Variants in ZNF729 observed in about 807,000 individuals in gnomAD.
ZNF729 encodes the protein zinc finger protein 729.
ZNF729 carries 15 observed loss-of-function variants against 12.2 expected under a neutral mutation model. The ratio of observed to expected loss-of-function variants is 1.23; its 90% CI spans 0.82 to 1.89. ZNF729 has a LOEUF of 1.89. Ranked by LOEUF, ZNF729 falls within the 40% of genes most tolerant of loss-of-function variation. ZNF729 has a pLI of 0.00. For synonymous variants in ZNF729, 492 were observed against 476.3 expected (o/e 1.03, Z -0.43); for missense variants, 1,540 against 1,456.7 (o/e 1.06, Z -0.93).
rs116318322 is a variant in ZNF729, at chr19:22,316,855, C to T, written c.3438C>T (p.Ile1146=). 1 of 1,612,882 alleles carries T rather than the reference C, an allele frequency of 6.2e-7. No homozygotes were observed. The highest frequency in any genetic ancestry group is 8.5e-7 in the Non-Finnish European group (1 of 1,179,904). The part of the protein sequence containing the change: ...ECGKAFSQSS[I]LTKHKIIHSV... ...GCAAAGCCTTTAGTCAGTCCTCAAT[C>T]CTTACTAAACATAAGATAATTCATT... The change falls in exon 4 of 4, where the codon ATC becomes ATT. Residue 1146 remains isoleucine, a synonymous_variant. Coordinates refer to ENST00000601693, the MANE Select transcript of ZNF729 (RefSeq NM_001242680.2).
chr19:22,298,020 A>C (rs536203988), intron 1 of ZNF729, among the ~76,000 whole-genome samples: 1 of 150,508 alleles, frequency 6.6e-6, no homozygotes. Context: ...AAAAAAAAAA[A>C]AAAAAAACAC....
intron 2 of ZNF729, 31 bp from the exon 3 acceptor site, chr19:22,304,657 A>C (rs1295888677): frequency 6.4e-7 from 1 of 1,565,492 alleles, no homozygotes; most frequent in East Asian, 2.4e-5. Flanking sequence ...AATATGACCA[A>C]TATTTATGTT....
chr19:22,312,532 T>C (rs1455766841), intron 3 of ZNF729, among the ~76,000 whole-genome samples: 1 of 151,938 alleles, frequency 6.6e-6, no homozygotes, highest in African/African-American at 2.4e-5. Flanking sequence ...TTGCTACATC[T>C]ATTTTTTGTG....
chr19:22,306,854 A>G (rs1203838351), intron 3 of ZNF729, among the ~76,000 whole-genome samples: 1 of 151,602 alleles, frequency 6.6e-6, no homozygotes, highest in African/African-American at 2.4e-5. Flanking sequence ...GAAATTTTAT[A>G]TATGTCTGTA....
intron 1 of ZNF729, among the ~76,000 whole-genome samples, chr19:22,301,102 A>G (rs1255130272): frequency 6.6e-6 from 1 of 152,196 alleles, no homozygotes; most frequent in Non-Finnish European, 1.5e-5. Flanking sequence ...CTATATATTA[A>G]TAATGCACAC....
At position 22,315,210 on chromosome 19, in the gene ZNF729, A is replaced by C; in HGVS notation, c.1793A>C (p.Lys598Thr). The part of the protein sequence containing the change: ...RKHKVIHTRE[K>T]LYKCEECGKA... ...CATAAGGTAATTCATACTAGGGAGA[A>C]ATTGTACAAATGTGAAGAATGTGGC... The change falls in exon 4 of 4, where the codon AAA becomes ACA. Residue 598 changes from lysine to threonine, a missense_variant. Lys to Thr is a moderately conservative substitution (Grantham distance 78, BLOSUM62 -1). Coordinates refer to ENST00000601693, the MANE Select transcript of ZNF729 (RefSeq NM_001242680.2). The C allele has an allele frequency of 6.2e-7, 1 of 1,612,090 alleles. No homozygotes were observed. The highest frequency in any genetic ancestry group is 8.5e-7 in the Non-Finnish European group (1 of 1,179,360).
intron 3 of ZNF729, among the ~76,000 whole-genome samples, chr19:22,308,228 A>G (rs1420327264): frequency 6.6e-6 from 1 of 152,118 alleles, no homozygotes; most frequent in Non-Finnish European, 1.5e-5. Flanking sequence ...GTGTTCCATC[A>G]TATATATAAT....
At chr19:22,289,819 G>C (rs59621371) in intron 1 of ZNF729, among the ~76,000 whole-genome samples, 3,804 of 152,178 alleles carry the variant, frequency 0.025, 153 homozygotes, top group African/African-American at 0.087. Context: ...ATTGCTGTCT[G>C]AGTTTCATGC....
intron 1 of ZNF729, among the ~76,000 whole-genome samples, chr19:22,288,020 A>G (rs112976811): frequency 0.025 from 3,787 of 151,632 alleles, 153 homozygotes; most frequent in African/African-American, 0.087. Flanking sequence ...TACTTTTTGT[A>G]TTTTTAGTAG....
Position 22,286,453 on chromosome 19 carries a change from C to T in ZNF729, c.-73C>T. Reference sequence around the variant, plus strand: ...TCTGGTTGCAGCCGCAGTTCCCGGTCTCGCCTTCACTGCTGTGTGTCCTCA... The same window carrying T: ...TCTGGTTGCAGCCGCAGTTCCCGGTTTCGCCTTCACTGCTGTGTGTCCTCA... On this transcript the variant is annotated 5_prime_UTR_variant, in exon 1 of 4. Transcript: ENST00000601693. 1.9e-6 allele frequency: 3 copies of T among 1,591,022 alleles called. No individual in the cohort carries two copies. The highest frequency in any genetic ancestry group is 1.4e-5 in the African/African-American group (1 of 74,012).
Position 22,314,844 on chromosome 19 carries a change from C to G in ZNF729, c.1427C>G (p.Thr476Ser), listed in dbSNP as rs781465023. The G allele has an allele frequency of 9.3e-6, 15 of 1,610,948 alleles. No individual in the cohort carries two copies. The African/African-American group carries it at 1.6e-4, about 17-fold the overall frequency. Residue 476 changes from threonine (T) to serine (S), a missense_variant, in exon 4 of 4, where the codon ACT (threonine) becomes AGT (serine). Thr to Ser is a moderately conservative substitution (Grantham distance 58). Transcript: ENST00000601693. ...GCTTTTAGGCAATCCTCACACCTTA[C>G]TAGACATAAAGCAATTCATACTGGA... ...GKAFRQSSHLTRHKAIHTGEK... is the reference protein window; with the variant it reads ...GKAFRQSSHLSRHKAIHTGEK...
At chr19:22,288,484 C>G (rs1968110593) in intron 1 of ZNF729, among the ~76,000 whole-genome samples, 1 of 152,100 alleles carries the variant, frequency 6.6e-6, no homozygotes, top group Admixed American at 6.5e-5. Context: ...CCCCCCATGG[C>G]TATGTCTGCT....
chr19:22,312,440 T>TTG (rs138264785), intron 3 of ZNF729, among the ~76,000 whole-genome samples: 3,134 of 144,626 alleles, frequency 0.022, 39 homozygotes, highest in African/African-American at 0.044. Context: ...TTGTCTGAAA[T>TTG]TGTGTGTGTG....
At chr19:22,312,337 C>T (rs567181971) in intron 3 of ZNF729, among the ~76,000 whole-genome samples, 99 of 152,028 alleles carry the variant, frequency 6.5e-4, no homozygotes, top group Non-Finnish European at 8.5e-4. Context: ...CTGTTGGAAT[C>T]TTCATAATGT....
chr19:22,305,527 AAATAT>A (rs1599756600), intron 3 of ZNF729, among the ~76,000 whole-genome samples: 1 of 152,000 alleles, frequency 6.6e-6, no homozygotes, highest in Non-Finnish European at 1.5e-5. Context: ...CTGTACATAT[AAATAT>A]AATAATTATA....
At chr19:22,304,325 C>T (rs945778943) in intron 2 of ZNF729, among the ~76,000 whole-genome samples, 2 of 152,178 alleles carry the variant, frequency 1.3e-5, no homozygotes, top group African/African-American at 2.4e-5. Context: ...AGGCGTGAGC[C>T]ACCGTGCCAG....
At chr19:22,304,975 T>A (rs1968361080) in intron 3 of ZNF729, among the ~76,000 whole-genome samples, 192 bp downstream of exon 3, 1 of 152,232 alleles carries the variant, frequency 6.6e-6, no homozygotes, top group East Asian at 1.9e-4. Flanking sequence ...CTAAGGATTC[T>A]GTTTTCATTT....
chr19:22,304,247 G>T (rs750641890), intron 2 of ZNF729, among the ~76,000 whole-genome samples: 1 of 152,078 alleles, frequency 6.6e-6, no homozygotes, highest in Non-Finnish European at 1.5e-5. Flanking sequence ...CACCATGTTG[G>T]CCAGGATGGT....
intron 3 of ZNF729, among the ~76,000 whole-genome samples, chr19:22,309,173 G>A (rs1831935487): frequency 6.6e-6 from 1 of 152,182 alleles, no homozygotes; most frequent in African/African-American, 2.4e-5. Flanking sequence ...CTGGCCGGGT[G>A]CGGTGGCTCA....
Sources: gnomAD v4.1 joint callset for allele counts (sites outside exome capture counted in the v4.1 genomes callset) on GRCh38, gnomAD v4.1.1 for gene constraint, MANE v1.5 for transcripts, NCBI Gene and HGNC (gene_info 2026-07-23, HGNC 2026-07-21) for gene names.